Variants in UHRF2 observed in about 807,000 individuals in gnomAD.
UHRF2 encodes the protein E3 ubiquitin-protein ligase UHRF2.
In UHRF2, 23 loss-of-function variants were observed where a neutral mutation model predicts 96.8. The observed-to-expected ratio is 0.24, with a 90% CI of 0.17 to 0.34. The LOEUF (loss-of-function observed/expected upper bound fraction) is 0.34. Ranked by LOEUF, UHRF2 falls within the 10% of genes least tolerant of loss-of-function variation. UHRF2 has a pLI of 1.00. For missense variants in UHRF2, 685 were observed against 981.5 expected (o/e 0.70, Z 4.04); for synonymous variants, 385 against 332.6 (o/e 1.16, Z -1.72).
At position 6,506,245 on chromosome 9, in the gene UHRF2, G is replaced by A. The variant is rs1816576937; in HGVS notation, c.*66G>A. The A allele has an allele frequency of 1.3e-6, 2 of 1,584,864 alleles. No homozygotes were observed. Among genetic ancestry groups the A allele is most frequent in the Non-Finnish European group, 1.7e-6 (2 of 1,163,188 alleles). On this transcript the variant is annotated 3_prime_UTR_variant, in exon 16 of 16. Coordinates refer to ENST00000276893, the MANE Select transcript of UHRF2 (RefSeq NM_152896.3). Reference sequence around the variant, plus strand: ...ACAATAAAGAATCTAAAATGGGTGGGGAGGGTGGAAGAAATGGTGGACTGT... The same window carrying A: ...ACAATAAAGAATCTAAAATGGGTGGAGAGGGTGGAAGAAATGGTGGACTGT...
At chr9:6,489,728 GTTTT>G (rs34069701) in intron 9 of UHRF2, among the ~76,000 whole-genome samples, 1 of 114,752 alleles carries the variant, frequency 8.7e-6, no homozygotes, top group Admixed American at 8.4e-5. Context: ...TTGGGTTTTT[GTTTT>G]TTTTTTTTTT....
At chr9:6,502,477 A>T (rs1250081812) in intron 14 of UHRF2, among the ~76,000 whole-genome samples, 3 of 152,216 alleles carry the variant, frequency 2.0e-5, no homozygotes, top group African/African-American at 4.8e-5. Flanking sequence ...GTCCAAACAG[A>T]TGGGGTTACT....
chr9:6,426,993 C>CTCAGGTGATCACG (rs1820298957), intron 2 of UHRF2, among the ~76,000 whole-genome samples: 1 of 152,114 alleles, frequency 6.6e-6, no homozygotes, highest in Non-Finnish European at 1.5e-5. Flanking sequence ...AGGTGATCAC[C>CTCAGGTGATCACG]TGCCTCGGCC....
intron 9 of UHRF2, among the ~76,000 whole-genome samples, chr9:6,487,934 G>A (rs766973822): frequency 2.0e-5 from 3 of 151,952 alleles, no homozygotes; most frequent in Non-Finnish European, 4.4e-5. Context: ...GTAGATTCAC[G>A]TGTAGCATTA....
intron 3 of UHRF2, among the ~76,000 whole-genome samples, chr9:6,441,324 A>G (rs1821148618): frequency 6.6e-6 from 1 of 151,980 alleles, no homozygotes; most frequent in Non-Finnish European, 1.5e-5. Context: ...CAGTGAGTGA[A>G]GATTGTGCCA....
chr9:6,448,907 A>G (rs10124566), intron 3 of UHRF2, among the ~76,000 whole-genome samples: 2,934 of 152,292 alleles, frequency 0.019, 89 homozygotes, highest in African/African-American at 0.066. Context: ...TGGATTTTCA[A>G]TTGCGTAGCA....
chr9:6,485,015 A>G (rs920202536), intron 8 of UHRF2, among the ~76,000 whole-genome samples: 1 of 145,292 alleles, frequency 6.9e-6, no homozygotes, highest in African/African-American at 2.5e-5. Context: ...CTGGTCTCAA[A>G]CTCCCGACCT....
intron 3 of UHRF2, among the ~76,000 whole-genome samples, chr9:6,435,557 T>C (rs1018265163): frequency 4.6e-5 from 7 of 152,156 alleles, no homozygotes; most frequent in African/African-American, 1.7e-4. Context: ...AGAAATCTCA[T>C]ACTGATTATC....
At chr9:6,472,821 C>G (rs529835347) in intron 4 of UHRF2, among the ~76,000 whole-genome samples, 3 of 152,066 alleles carry the variant, frequency 2.0e-5, no homozygotes, top group Non-Finnish European at 2.9e-5. Flanking sequence ...TTGTAATATT[C>G]TAATTTTGGT....
intron 3 of UHRF2, among the ~76,000 whole-genome samples, chr9:6,435,138 C>T (rs1425379024): frequency 2.6e-5 from 4 of 151,864 alleles, no homozygotes; most frequent in African/African-American, 7.3e-5. Context: ...GCATTAGAGG[C>T]GCGCACCACC....
At chr9:6,467,596 T>TTG (rs1554629451) in intron 4 of UHRF2, among the ~76,000 whole-genome samples, 1 of 67,798 alleles carries the variant, frequency 1.5e-5, no homozygotes, top group African/African-American at 1.1e-4. Flanking sequence ...GAGAGAATAG[T>TTG]TTTTTTTTTT....
At chr9:6,487,519 A>T (rs1226715123) in intron 9 of UHRF2, among the ~76,000 whole-genome samples, 2 of 152,138 alleles carry the variant, frequency 1.3e-5, no homozygotes, top group Non-Finnish European at 2.9e-5. Context: ...AGTATGCACC[A>T]CTGTGCCTGG....
chr9:6,438,261 A>G (rs1176583277), intron 3 of UHRF2, among the ~76,000 whole-genome samples: 1 of 152,240 alleles, frequency 6.6e-6, no homozygotes, highest in Non-Finnish European at 1.5e-5. Context: ...AGAAGTAGCC[A>G]GTAAACTAGC....
intron 3 of UHRF2, chr9:6,449,524 G>A (rs1036991113): frequency 1.3e-5 from 2 of 152,146 alleles, no homozygotes; most frequent in Non-Finnish European, 2.9e-5. Context: ...GTATCCAACG[G>A]ACAAAATGGC....
chr9:6,417,274 G>T (rs548670118), intron 1 of UHRF2, among the ~76,000 whole-genome samples: 12 of 152,202 alleles, frequency 7.9e-5, no homozygotes, highest in African/African-American at 2.4e-4. Context: ...AGAGTGGTCT[G>T]ACAAAAAATC....
chr9:6,478,497 C>T (rs1364231366), intron 6 of UHRF2, among the ~76,000 whole-genome samples: 1 of 152,138 alleles, frequency 6.6e-6, no homozygotes, highest in Non-Finnish European at 1.5e-5. Context: ...GAAGAAGGCT[C>T]CAATTATACT....
At chr9:6,460,863 C>A in intron 4 of UHRF2, 72 bp downstream of exon 4, 1 of 1,220,942 alleles carries the variant, frequency 8.2e-7, no homozygotes, top group Non-Finnish European at 1.1e-6. Flanking sequence ...GTATTAAGCA[C>A]GTGTACCTTA....
At chr9:6,463,359 C>T (rs1336190488) in intron 4 of UHRF2, among the ~76,000 whole-genome samples, 5 of 151,948 alleles carry the variant, frequency 3.3e-5, no homozygotes, top group African/African-American at 1.2e-4. Flanking sequence ...TATGTGATAG[C>T]TATCCCAACA....
In UHRF2 at chr9:6,500,598, A is replaced by G; in HGVS notation, c.2052A>G (p.Ala684=). 3 of 1,613,616 alleles carry G rather than the reference A, an allele frequency of 1.9e-6. No individual in the cohort carries two copies. Among genetic ancestry groups the G allele is most frequent in the Non-Finnish European group, 2.5e-6 (3 of 1,179,974 alleles). ...ASKVYKASDS[A]EAIEAFQLTP... ...AAGTGTACAAAGCATCAGATTCAGC[A>G]GAAGCAATTGAGGCTTTTCAACTAA... The change falls in exon 14 of 16, where the codon GCA becomes GCG. Residue 684 remains alanine (A), a synonymous_variant. Coordinates refer to ENST00000276893, the MANE Select transcript of UHRF2 (RefSeq NM_152896.3).
Sources: allele counts gnomAD v4.1 joint callset (sites outside exome capture counted in the v4.1 genomes callset), GRCh38; gene constraint gnomAD v4.1.1; transcripts MANE v1.5; gene names NCBI Gene and HGNC (gene_info 2026-07-23, HGNC 2026-07-21).